DRC11: variants seen among roughly 807,000 people sequenced by gnomAD.
DRC11 encodes the protein dynein regulatory complex subunit 11.
At chr2:236,381,430 G>A in the DRC11 span, among the ~76,000 whole-genome samples, 3 of 150,916 alleles carry the variant, frequency 2.0e-5, no homozygotes, top group Non-Finnish European at 4.4e-5. The surrounding 1 kb of genome is among the most constrained non-coding windows in gnomAD (Gnocchi z 5.8). Context: ...GCCTAAGAAC[G>A]TTGTTATAGC....
chr2:236,309,515 C>A, the DRC11 span, among the ~76,000 whole-genome samples: 8 of 152,084 alleles, frequency 5.3e-5, no homozygotes, highest in East Asian at 1.4e-3. The surrounding 1 kb of genome is among the most constrained non-coding windows in gnomAD (Gnocchi z 5.7). Context: ...GTGTGGAGGC[C>A]CCCCAGGCAG....
chr2:236,418,655 T>G, the DRC11 span, among the ~76,000 whole-genome samples: 3 of 152,210 alleles, frequency 2.0e-5, no homozygotes, highest in African/African-American at 7.2e-5. Context: ...ACGGGCCCAA[T>G]GTGACACTGT....
chr2:236,318,055 A>G, the DRC11 span, among the ~76,000 whole-genome samples: 1 of 152,164 alleles, frequency 6.6e-6, no homozygotes, highest in Non-Finnish European at 1.5e-5. This position sits in a 1 kb window ranked among gnomAD's most constrained non-coding sequence, Gnocchi z 7.0. Context: ...TTAGCTTGTA[A>G]AGTGGTGCAG....
chr2:236,395,839 T>C, the DRC11 span, among the ~76,000 whole-genome samples: 1 of 152,194 alleles, frequency 6.6e-6, no homozygotes, highest in Non-Finnish European at 1.5e-5. Flanking sequence ...AAAACAGCTT[T>C]GTTAGTAACG....
At chr2:236,311,009 C>G in the DRC11 span, among the ~76,000 whole-genome samples, 1 of 152,228 alleles carries the variant, frequency 6.6e-6, no homozygotes, top group Admixed American at 6.5e-5. This position sits in a 1 kb window ranked among gnomAD's most constrained non-coding sequence, Gnocchi z 6.9. Flanking sequence ...AGGGAGCTAT[C>G]ATGCCTGCTC....
the DRC11 span, among the ~76,000 whole-genome samples, chr2:236,425,236 ACT>A: frequency 6.6e-6 from 1 of 151,938 alleles, no homozygotes; most frequent in Non-Finnish European, 1.5e-5. Context: ...GAACTTCCAC[ACT>A]GTTTTCCATA....
chr2:236,465,570 C>T, the DRC11 span: 1 of 1,614,028 alleles, frequency 6.2e-7, no homozygotes, highest in Non-Finnish European at 8.5e-7. The surrounding 1 kb of genome is among the most constrained non-coding windows in gnomAD (Gnocchi z 6.2). Flanking sequence ...CGCCTTCTAT[C>T]AACTTTAGGT....
the DRC11 span, among the ~76,000 whole-genome samples, chr2:236,484,746 C>T: frequency 1.3e-5 from 2 of 152,300 alleles, no homozygotes; most frequent in African/African-American, 4.8e-5. Flanking sequence ...CCTTGGGTCC[C>T]TGCCCAAACT....
chr2:236,373,239 A>G, the DRC11 span, among the ~76,000 whole-genome samples: 3 of 148,760 alleles, frequency 2.0e-5, no homozygotes, highest in African/African-American at 7.4e-5. Context: ...GTCTTCTATA[A>G]TTCTTTAATG....
At chr2:236,478,033 T>TGTG in the DRC11 span, among the ~76,000 whole-genome samples, 243 of 141,910 alleles carry the variant, frequency 1.7e-3, no homozygotes, top group African/African-American at 6.0e-3. This position sits in a 1 kb window ranked among gnomAD's most constrained non-coding sequence, Gnocchi z 5.9. Flanking sequence ...GTGTGTGTGT[T>TGTG]TTAGTCTCAA....
At chr2:236,467,305 C>T in the DRC11 span, among the ~76,000 whole-genome samples, 2 of 152,090 alleles carry the variant, frequency 1.3e-5, no homozygotes, top group South Asian at 4.2e-4. Context: ...CCAGATTGAT[C>T]TTTCATGACT....
the DRC11 span, among the ~76,000 whole-genome samples, chr2:236,489,620 AG>A: frequency 6.6e-6 from 1 of 152,098 alleles, no homozygotes; most frequent in Non-Finnish European, 1.5e-5. Context: ...AGATCACTGG[AG>A]TCAGAAAAGC....
chr2:236,380,629 C>T, the DRC11 span: 1 of 1,550,338 alleles, frequency 6.5e-7, no homozygotes, highest in Non-Finnish European at 8.7e-7. This position sits in a 1 kb window ranked among gnomAD's most constrained non-coding sequence, Gnocchi z 4.9. Flanking sequence ...GCCTTTCTTT[C>T]CTTTCTTCTT....
the DRC11 span, chr2:236,507,148 A>AG: frequency 1.8e-6 from 2 of 1,118,804 alleles, no homozygotes; most frequent in African/African-American, 3.1e-5. Flanking sequence ...GGAAGTTGAG[A>AG]GGGGAGGAGA....
At chr2:236,307,118 G>A in the DRC11 span, among the ~76,000 whole-genome samples, 5 of 152,060 alleles carry the variant, frequency 3.3e-5, no homozygotes, top group South Asian at 2.1e-4. This position sits in a 1 kb window ranked among gnomAD's most constrained non-coding sequence, Gnocchi z 7.0. Context: ...CTTCTATACC[G>A]TGCACACAGT....
At chr2:236,395,406 C>T in the DRC11 span, among the ~76,000 whole-genome samples, 2 of 152,212 alleles carry the variant, frequency 1.3e-5, no homozygotes, top group African/African-American at 4.8e-5. Flanking sequence ...CATACATTGT[C>T]TAAAGCATCC....
At chr2:236,465,367 C>T in the DRC11 span, 1 of 704,608 alleles carries the variant, frequency 1.4e-6, no homozygotes, top group East Asian at 2.7e-5. The surrounding 1 kb of genome is among the most constrained non-coding windows in gnomAD (Gnocchi z 6.2). Context: ...GAATTCTTAG[C>T]CTTGGCATTT....
At chr2:236,421,693 C>A in the DRC11 span, among the ~76,000 whole-genome samples, 1 of 152,200 alleles carries the variant, frequency 6.6e-6, no homozygotes, top group South Asian at 2.1e-4. Flanking sequence ...AGAGGGAATC[C>A]TCCCTAACTC....
chr2:236,358,578 T>C, the DRC11 span, among the ~76,000 whole-genome samples: 10 of 145,698 alleles, frequency 6.9e-5, no homozygotes, highest in East Asian at 2.0e-3. Context: ...ACCAGTCTCC[T>C]TGAGTCTGTA....
Sources: gnomAD v4.1 joint callset for allele counts (sites outside exome capture counted in the v4.1 genomes callset) on GRCh38, gnomAD v4.1.1 for gene constraint, Gnocchi (gnomAD v3.1) non-coding constraint, MANE v1.5 for transcripts, NCBI Gene and HGNC (gene_info 2026-07-23, HGNC 2026-07-21) for gene names.